The following RPE variants were observed in gnomAD, a reference collection of about 807,000 sequenced individuals.
RPE encodes ribulose-phosphate 3-epimerase.
RPE carries 16 observed loss-of-function variants against 24.6 expected under a neutral mutation model. The ratio of observed to expected loss-of-function variants is 0.65; its 90% CI spans 0.44 to 0.99. The LOEUF (loss-of-function observed/expected upper bound fraction) is 0.99, where lower values mean the gene tolerates loss of function less well. Among genes scored for constraint, RPE ranks in the 50% least tolerant of loss-of-function variants. RPE has a pLI of 0.00. For synonymous variants in RPE, 93 were observed against 98.4 expected (o/e 0.94, Z 0.33); for missense variants, 240 against 294.5 (o/e 0.81, Z 1.35).
intron 1 of RPE, among the ~76,000 whole-genome samples, chr2:210,004,107 T>C (rs2093599207): frequency 6.6e-6 from 1 of 152,214 alleles, no homozygotes; most frequent in East Asian, 1.9e-4. Context: ...ACCCTGAGTG[T>C]CTACCTCAAA....
At chr2:210,005,244 G>A (rs998528974) in intron 1 of RPE, among the ~76,000 whole-genome samples, 2 of 151,902 alleles carry the variant, frequency 1.3e-5, no homozygotes, top group Non-Finnish European at 2.9e-5. Flanking sequence ...GACTGCCTTC[G>A]TGTTTTTTTT....
At chr2:210,010,656 C>T (rs1321133638) in intron 2 of RPE, among the ~76,000 whole-genome samples, 2 of 152,148 alleles carry the variant, frequency 1.3e-5, no homozygotes, top group African/African-American at 4.8e-5. Context: ...GGACTCTGTG[C>T]TGTTCACTAT....
intron 2 of RPE, among the ~76,000 whole-genome samples, chr2:210,010,667 GGTAGTC>G (rs2093687887): frequency 4.6e-5 from 7 of 152,082 alleles, no homozygotes; most frequent in Non-Finnish European, 8.8e-5. Context: ...TGTTCACTAT[GGTAGTC>G]ATAAGCCACA....
chr2:210,010,822 G>T (rs1043531520), intron 2 of RPE, among the ~76,000 whole-genome samples: 2 of 152,098 alleles, frequency 1.3e-5, no homozygotes, highest in African/African-American at 4.8e-5. Flanking sequence ...GGAGGCTGAG[G>T]CATGAGAATC....
At chr2:210,009,804 T>C (rs931335243) in intron 2 of RPE, 68 bp downstream of exon 2, 1 of 1,601,336 alleles carries the variant, frequency 6.2e-7, no homozygotes, top group East Asian at 2.2e-5. Flanking sequence ...GATGGTTGAT[T>C]TTAACTTCCA....
chr2:210,014,451 C>G (rs2093743330), intron 2 of RPE, among the ~76,000 whole-genome samples: 1 of 152,024 alleles, frequency 6.6e-6, no homozygotes, highest in Non-Finnish European at 1.5e-5. Context: ...ATAAGAAACA[C>G]CAGATTTAAT....
At chr2:210,008,775 AC>A (rs1387932261) in intron 1 of RPE, among the ~76,000 whole-genome samples, 1 of 151,782 alleles carries the variant, frequency 6.6e-6, no homozygotes, top group Non-Finnish European at 1.5e-5. Context: ...GGCTCACTGC[AC>A]CCTCCACCTC....
At chr2:210,011,821 A>G (rs2093703235) in intron 2 of RPE, among the ~76,000 whole-genome samples, 1 of 143,080 alleles carries the variant, frequency 7.0e-6, no homozygotes, top group South Asian at 2.2e-4. Flanking sequence ...GTGTGCCACC[A>G]CAACCGGCTA....
Position 210,020,691 on chromosome 2 carries a change from G to A in RPE, c.*900G>A, listed in dbSNP as rs2093843842. On this transcript the variant is annotated 3_prime_UTR_variant, in exon 6 of 6. Coordinates refer to ENST00000359429, the MANE Select transcript of RPE (RefSeq NM_199229.3). ...GAATTTAGAATATGCTCAACACAAA[G>A]TAAACAGCATTATATAAGTTTATAT... 1 of 166,418 alleles carries A rather than the reference G, an allele frequency of 6.0e-6. No homozygotes were observed. Among genetic ancestry groups the A allele is most frequent in the African/African-American group, 2.4e-5 (1 of 41,434 alleles). 10.3% of individuals were successfully genotyped at this position (166,418 alleles called of 1,614,324 possible). A position where few individuals can be genotyped will look rare whatever the true frequency, so the allele number is the denominator to read the frequency against.
chr2:210,013,265 T>C (rs1332406444), intron 2 of RPE, among the ~76,000 whole-genome samples: 1 of 151,924 alleles, frequency 6.6e-6, no homozygotes, highest in East Asian at 1.9e-4. Context: ...CTTGCAAAAA[T>C]GTAAAACAAA....
At chr2:210,019,099 A>G (rs2093820251) in intron 5 of RPE, among the ~76,000 whole-genome samples, 1 of 152,178 alleles carries the variant, frequency 6.6e-6, no homozygotes, top group Non-Finnish European at 1.5e-5. Flanking sequence ...CTTTGCTTCC[A>G]TATTTAAATG....
intron 1 of RPE, among the ~76,000 whole-genome samples, chr2:210,005,920 A>G (rs945295573): frequency 2.0e-5 from 3 of 152,212 alleles, no homozygotes; most frequent in Non-Finnish European, 4.4e-5. Flanking sequence ...GAGATAGGGT[A>G]AATGGCTTGA....
intron 2 of RPE, among the ~76,000 whole-genome samples, chr2:210,015,032 A>G (rs545856710): frequency 6.6e-6 from 1 of 152,334 alleles, no homozygotes; most frequent in East Asian, 1.9e-4. Flanking sequence ...ATTAGGATGA[A>G]TATCAGGTTT....
rs374717791 is a variant in RPE, at chr2:210,008,724, C to T, written c.123-933C>T. 4.6e-5 allele frequency among the ~76,000 whole-genome samples: 7 copies of T among 152,170 alleles called. 1 individual carries two copies. The highest frequency in any genetic ancestry group is 1.7e-4 in the African/African-American group (7 of 41,522). ...TTTTGTTTTCGTTTTTGAGGTAAGT[C>T]TCGCTTTGTCGCCCAGGCTGGAATA... On this transcript the variant is annotated intron_variant, in intron 1 of 5. Transcript: ENST00000359429.
chr2:210,018,173 T>A, intron 5 of RPE: 1 of 1,534,978 alleles, frequency 6.5e-7, no homozygotes, highest in Non-Finnish European at 8.7e-7. Context: ...GATCATTAAG[T>A]TTCACGGCCT....
Position 210,018,231 on chromosome 2 carries a change from A to AG in RPE, c.564+678dup, listed in dbSNP as rs1553636461. 7.2e-6 allele frequency: 11 copies of AG among 1,529,508 alleles called. No homozygotes were observed. In the South Asian group the frequency reaches 1.2e-4, roughly 17 times the overall value. 94.7% of individuals were successfully genotyped at this position (1,529,508 alleles called of 1,614,324 possible). On this transcript the variant is annotated intron_variant, in intron 5 of 5. Transcript: ENST00000359429. ...AATACGGAATTAAAAGGTACTACCA[A>AG]GGGGGGAAAATAGATAAATCTAATT...
rs947091209 is a variant in RPE at position 210,020,640 on chromosome 2, A to G, written c.*849A>G. ...TGAGAATTAAGAGCTAACACTATAT[A>G]TGTAAAGTTTCCAGTACTAGTCCCA... On this transcript the variant is annotated 3_prime_UTR_variant, in exon 6 of 6. Coordinates refer to ENST00000359429, the MANE Select transcript of RPE (RefSeq NM_199229.3). The G allele has an allele frequency of 6.0e-6, 1 of 166,794 alleles. No individual in the cohort carries two copies. Among genetic ancestry groups the G allele is most frequent in the Non-Finnish European group, 1.5e-5 (1 of 68,074 alleles). 10.3% of individuals were successfully genotyped at this position (166,794 alleles called of 1,614,324 possible). A position where few individuals can be genotyped will look rare whatever the true frequency, so the allele number is the denominator to read the frequency against.
chr2:210,003,852 C>T (rs760891215), intron 1 of RPE, among the ~76,000 whole-genome samples: 1 of 152,050 alleles, frequency 6.6e-6, no homozygotes, highest in Admixed American at 6.6e-5. Flanking sequence ...TTCCATTGCT[C>T]TATGTGGTTA....
chr2:210,009,567 A>G (rs2093674240), intron 1 of RPE, 90 bp from the exon 2 acceptor site: 8 of 1,504,796 alleles, frequency 5.3e-6, no homozygotes, highest in South Asian at 4.5e-5. Flanking sequence ...ATTGCAGACA[A>G]TCCCCTCAAC....
Sources: gnomAD v4.1 joint callset for allele counts (sites outside exome capture counted in the v4.1 genomes callset) on GRCh38, gnomAD v4.1.1 for gene constraint, MANE v1.5 for transcripts, NCBI Gene and HGNC (gene_info 2026-07-23, HGNC 2026-07-21) for gene names.